The following ROR1 variants were observed in gnomAD, a reference collection of about 807,000 sequenced individuals.
ROR1 encodes inactive tyrosine-protein kinase transmembrane receptor ROR1.
Under a neutral mutation model 78.8 loss-of-function variants are expected in ROR1, and 19 were observed. The ratio of observed to expected loss-of-function variants is 0.24; its 90% CI spans 0.17 to 0.35. The LOEUF (loss-of-function observed/expected upper bound fraction) is 0.35. ROR1 is among the 10% of genes least tolerant of loss of function. The probability of loss-of-function intolerance (pLI) is 1.00; values close to 1 mark genes in which losing one functional copy is unlikely to be tolerated. For missense variants in ROR1, 917 were observed against 1,177.8 expected, an observed-to-expected ratio of 0.78 and a Z score of 3.24; for synonymous variants, 386 against 433.6, an observed-to-expected ratio of 0.89 and a Z score of 1.36.
Position 63,997,230 on chromosome 1 carries a change from A to G in ROR1, c.92-12075A>G, listed in dbSNP as rs900632858. Among the ~76,000 whole-genome samples the G allele has an allele frequency of 1.8e-4, 27 of 152,314 alleles. 1 individual carries two copies. Among genetic ancestry groups the G allele is most frequent in the Admixed American group, 1.0e-3 (16 of 15,290 alleles). On this transcript the variant is annotated intron_variant, in intron 1 of 8. Transcript: ENST00000371079. ...GGGCTTGCCCAATTTGCCCATTTAT[A>G]ATGGAGGGCTCCACAGACATCACAG... is the stretch of plus-strand genomic sequence containing the variant.
intron 1 of ROR1, among the ~76,000 whole-genome samples, chr1:63,880,748 A>G (rs1645316826): frequency 6.6e-6 from 1 of 152,158 alleles, no homozygotes; most frequent in South Asian, 2.1e-4. Flanking sequence ...TGCTTCATAC[A>G]TGAAGTTGCA....
At chr1:64,143,244 G>A (rs1649379320) in intron 7 of ROR1, 1 of 989,122 alleles carries the variant, frequency 1.0e-6, no homozygotes, top group Non-Finnish European at 1.2e-6. Flanking sequence ...AATGGGCCAA[G>A]CATGGTGGCT....
chr1:64,003,289 A>G (rs559969028), intron 1 of ROR1, among the ~76,000 whole-genome samples: 2 of 152,296 alleles, frequency 1.3e-5, no homozygotes, highest in South Asian at 2.1e-4. Flanking sequence ...CAACAAAGTA[A>G]TGGATTCATC....
intron 1 of ROR1, among the ~76,000 whole-genome samples, chr1:63,954,467 T>C (rs78287042): frequency 0.013 from 2,036 of 152,314 alleles, 45 homozygotes; most frequent in African/African-American, 0.047. Context: ...AGAACAGATA[T>C]TCAGGACAGC....
chr1:63,979,255 A>T lies in ROR1; in HGVS notation c.92-30050A>T, dbSNP rs1229449633. Among the ~76,000 whole-genome samples the T allele has an allele frequency of 2.6e-5, 4 of 152,152 alleles. No homozygotes were observed. The East Asian group carries it at 7.7e-4, about 29-fold the overall frequency. ...TATAGGTAAAATTTAATGGCTGCTG[A>T]CTCGGGGGTACTGTATCAAATAAAC... On this transcript the variant is annotated intron_variant, in intron 1 of 8. Coordinates refer to ENST00000371079, the MANE Select transcript of ROR1 (RefSeq NM_005012.4).
intron 4 of ROR1, among the ~76,000 whole-genome samples, chr1:64,115,536 A>G (rs4915942): frequency 0.17 from 25,745 of 151,746 alleles, 2,436 homozygotes; most frequent in Non-Finnish European, 0.2. Context: ...CAGTTTACTC[A>G]TCTGTATAAG....
In ROR1 at chr1:64,161,475, T is replaced by A. The variant is rs188577123; in HGVS notation, c.1386+2283T>A. ...GCATTCTCCTGGCTTCTGACAAATA[T>A]TTAAGGGGCCTGCATGGCAGTCTCT... On this transcript the variant is annotated intron_variant, in intron 8 of 8. Transcript: ENST00000371079. 2.1e-3 allele frequency among the ~76,000 whole-genome samples: 315 copies of A among 152,282 alleles called. 6 individuals are homozygous for A. Among genetic ancestry groups the A allele is most frequent in the African/African-American group, 7.3e-3 (303 of 41,546 alleles).
intron 1 of ROR1, among the ~76,000 whole-genome samples, chr1:63,925,897 G>A (rs1440636388): frequency 1.5e-4 from 23 of 149,868 alleles, no homozygotes; most frequent in Admixed American, 1.5e-3. Context: ...TGAGTTCATT[G>A]TAGATTCTGG....
At chr1:63,919,841 T>C (rs1645640236) in intron 1 of ROR1, among the ~76,000 whole-genome samples, 1 of 152,172 alleles carries the variant, frequency 6.6e-6, no homozygotes, top group African/African-American at 2.4e-5. Flanking sequence ...AACTTAAAGC[T>C]TCGTCTCAGA....
rs924254859 is a variant in ROR1, at chr1:64,115,448, G to T, written c.483-21921G>T. 3.3e-5 allele frequency among the ~76,000 whole-genome samples: 5 copies of T among 151,610 alleles called. No individual in the cohort carries two copies. In the South Asian group the frequency reaches 1.0e-3, roughly 32 times the overall value. On this transcript the variant is annotated intron_variant, in intron 4 of 8. Coordinates refer to ENST00000371079, the MANE Select transcript of ROR1 (RefSeq NM_005012.4). ...CAGGTCTTGTCTTATTGCCCAGGCT[G>T]GTCTTGAACTGCTGGCTTTAAGCAA...
chr1:63,842,885 TG>T (rs1204005422), intron 1 of ROR1, among the ~76,000 whole-genome samples: 1 of 151,166 alleles, frequency 6.6e-6, no homozygotes, highest in Non-Finnish European at 1.5e-5. Context: ...AGGTTGGATG[TG>T]GGGGTGTTGT....
intron 8 of ROR1, among the ~76,000 whole-genome samples, chr1:64,160,164 G>A (rs1037240928): frequency 5.9e-5 from 9 of 151,754 alleles, no homozygotes; most frequent in African/African-American, 2.2e-4. Context: ...TCCTCATAAA[G>A]AGGAGAAGCA....
chr1:63,852,963 A>G (rs1348132246), intron 1 of ROR1, among the ~76,000 whole-genome samples: 1 of 152,192 alleles, frequency 6.6e-6, no homozygotes, highest in African/African-American at 2.4e-5. Context: ...TGGAAGAGTA[A>G]CTATTATTAT....
chr1:64,047,909 G>A (rs936045668), intron 2 of ROR1, among the ~76,000 whole-genome samples: 1 of 152,212 alleles, frequency 6.6e-6, no homozygotes, highest in South Asian at 2.1e-4. Context: ...GAGATGGAAA[G>A]TGTCATTATG....
At chr1:64,017,066 C>T (rs1201384944) in intron 2 of ROR1, among the ~76,000 whole-genome samples, 1 of 151,872 alleles carries the variant, frequency 6.6e-6, no homozygotes, top group Non-Finnish European at 1.5e-5. Flanking sequence ...ACAGGTGCAC[C>T]ATGTCCAGCT....
chr1:64,056,676 CAAA>C (rs373734444), intron 4 of ROR1, among the ~76,000 whole-genome samples: 1 of 127,298 alleles, frequency 7.9e-6, no homozygotes, highest in African/African-American at 2.8e-5. Context: ...ACTCTATCTC[CAAA>C]AAAAAAAAAA....
intron 1 of ROR1, among the ~76,000 whole-genome samples, chr1:63,824,588 C>T (rs879515571): frequency 6.6e-6 from 1 of 152,078 alleles, no homozygotes; most frequent in Admixed American, 6.5e-5. Context: ...TCTGGTTTTG[C>T]AAATTTGCTA....
At chr1:63,989,423 G>GT (rs1646277528) in intron 1 of ROR1, among the ~76,000 whole-genome samples, 2 of 151,872 alleles carry the variant, frequency 1.3e-5, no homozygotes, top group African/African-American at 4.8e-5. Flanking sequence ...ATTTGCTCTC[G>GT]TTTTTTTCGT....
chr1:64,120,830 G>GTGGA (rs1401322208), intron 4 of ROR1, among the ~76,000 whole-genome samples: 4 of 152,242 alleles, frequency 2.6e-5, no homozygotes, highest in Non-Finnish European at 4.4e-5. Context: ...GGATGGATGG[G>GTGGA]TGGATGGATG....
Sources: allele counts gnomAD v4.1 joint callset (sites outside exome capture counted in the v4.1 genomes callset), GRCh38; gene constraint gnomAD v4.1.1; transcripts MANE v1.5; gene names NCBI Gene and HGNC (gene_info 2026-07-23, HGNC 2026-07-21).